GGTLC1: variants seen among roughly 807,000 people sequenced by gnomAD.
GGTLC1 encodes the protein gamma-glutamyltransferase light chain 1.
A neutral mutation model predicts 19.5 loss-of-function variants in GGTLC1; 14 were observed. The observed-to-expected ratio is 0.72, with a 90% confidence interval of 0.47 to 1.12. The LOEUF is 1.12. GGTLC1 is among the 50% of genes most tolerant of loss of function. The probability of loss-of-function intolerance (pLI) is 0.00; values close to 1 mark genes in which losing one functional copy is unlikely to be tolerated. For missense variants in GGTLC1, 304 were observed against 309.2 expected (o/e 0.98, Z 0.13); for synonymous variants, 110 against 124.2 (o/e 0.89, Z 0.76).
rs754624667 is a variant in GGTLC1 at position 23,985,900 on chromosome 20, C to A, written c.379G>T (p.Ala127Ser). The A allele has an allele frequency of 6.2e-7, 1 of 1,612,036 alleles. No individual in the cohort carries two copies. Among genetic ancestry groups the A allele is most frequent in the South Asian group, 1.1e-5 (1 of 90,984 alleles). ...QDGQVRMVVG[A>S]AGGTQITMAT... ...ATGGTGATCTGCGTGCCCCCGGCAG[C>A]TCCCACCACCATCCGGACCTGGCCG... Residue 127 changes from alanine (A) to serine (S), a missense_variant, in exon 4 of 6, where the codon GCT becomes TCT. Transcript: ENST00000335694.
At chr20:23,986,294 A>C in intron 2 of GGTLC1, 91 bp from the exon 3 acceptor site, 1 of 1,603,288 alleles carries the variant, frequency 6.2e-7, no homozygotes, top group Non-Finnish European at 8.5e-7. Flanking sequence ...ACTCACTGAG[A>C]GGCTCAGGAT....
In GGTLC1 at chr20:23,986,178, C is replaced by A. The variant is rs1485512209; in HGVS notation, c.202G>T (p.Val68Phe). 6.2e-7 allele frequency: 1 copy of A among 1,612,672 alleles called. No homozygotes were observed. Among genetic ancestry groups the A allele is most frequent in the Admixed American group, 1.7e-5 (1 of 59,996 alleles). Residue 68 changes from valine to phenylalanine, a missense_variant, in exon 3 of 6, where the codon GTC becomes TTC. By Grantham distance (50) the Val-to-Phe change is conservative (BLOSUM62 -1). Coordinates refer to ENST00000335694, the MANE Select transcript of GGTLC1 (RefSeq NM_178311.3). ...LYFGSKVRSP[V>F]SGILLNNEMD... ...TCATTATTGAGCAGGATCCCGCTGA[C>A]TGGGGAGCGCACCTTGGAGCCAAAG... is the stretch of plus-strand genomic sequence containing the variant.
rs750264824 is a variant in GGTLC1, at chr20:23,985,951, A to G, written c.328T>C (p.Cys110Arg). 1.9e-6 allele frequency: 3 copies of G among 1,611,976 alleles called. No homozygotes were observed. The South Asian group carries it at 3.3e-5, about 18-fold the overall frequency. ...TCCTGGCCCACCATGATCGTCGGGCACATGGACGAGAGCGGCTGCTTCCCT... is the reference window on the plus strand; with the variant it reads ...TCCTGGCCCACCATGATCGTCGGGCGCATGGACGAGAGCGGCTGCTTCCCT... ...QPGKQPLSSMCPTIMVGQDGQ... is the reference protein window; with the variant it reads ...QPGKQPLSSMRPTIMVGQDGQ... Residue 110 changes from cysteine (C) to arginine (R), a missense_variant, in exon 4 of 6, where the codon TGC becomes CGC. Physicochemically the swap from Cys to Arg is radical, Grantham distance 180 (BLOSUM62 -3). Coordinates refer to ENST00000335694, the MANE Select transcript of GGTLC1 (RefSeq NM_178311.3).
intron 1 of GGTLC1, among the ~76,000 whole-genome samples, chr20:23,987,402 A>C (rs1473213059): frequency 1.3e-5 from 2 of 152,122 alleles, no homozygotes; most frequent in Non-Finnish European, 1.5e-5. Context: ...GCAAGAGATG[A>C]TGGCCTGGGT....
intron 1 of GGTLC1, among the ~76,000 whole-genome samples, chr20:23,988,391 T>C (rs1201779588): frequency 6.6e-6 from 1 of 151,886 alleles, no homozygotes; most frequent in Non-Finnish European, 1.5e-5. Context: ...TTTGCACTTG[T>C]TGCCCAGGCT....
In GGTLC1 at chr20:23,986,532, G is replaced by A. The variant is rs1987931292; in HGVS notation, c.80C>T (p.Pro27Leu). The change falls in exon 2 of 6, where the codon CCC becomes CTC. Residue 27 changes from proline (P) to leucine (L), a missense_variant. Physicochemically the swap from Pro to Leu is moderately conservative, Grantham distance 98. Transcript: ENST00000335694. ...CCCGTCATCCGGCATGTAGAACTCG[G>A]GCTTGTAGTAGGAGATCGGGTGAGT... ...DTTHPISYYK[P>L]EFYMPDDGGT... is the part of the protein sequence containing the mutation. 6.2e-7 allele frequency: 1 copy of A among 1,611,828 alleles called. No individual in the cohort carries two copies. The highest frequency in any genetic ancestry group is 8.5e-7 in the Non-Finnish European group (1 of 1,179,856).
At chr20:23,987,787 G>A (rs1377021655) in intron 1 of GGTLC1, among the ~76,000 whole-genome samples, 1 of 151,098 alleles carries the variant, frequency 6.6e-6, no homozygotes, top group African/African-American at 2.4e-5. Flanking sequence ...CAGCACTTTG[G>A]GAGGCCGAGG....
At position 23,988,493 on chromosome 20, in the gene GGTLC1, T is replaced by C. The variant is rs189893036; in HGVS notation, c.-35+116A>G. ...TGATCCACGGGCAGATCTGCCGCCA[T>C]TGTGGGCACCTGTTCCTCCCGCGAC... On this transcript the variant is annotated intron_variant, in intron 1 of 5. Coordinates refer to ENST00000335694, the MANE Select transcript of GGTLC1 (RefSeq NM_178311.3). 6.4e-3 allele frequency: 2,191 copies of C among 343,794 alleles called. 49 individuals carry two copies. Among genetic ancestry groups the C allele is most frequent in the African/African-American group, 0.045 (2,070 of 45,750 alleles). The allele number at this position is 343,794 out of a possible 1,614,324, so 21.3% of individuals were successfully genotyped here. A position where few individuals can be genotyped will look rare whatever the true frequency, so the allele number is the denominator to read the frequency against.
chr20:23,985,206 C>T lies in GGTLC1; in HGVS notation c.*10G>A. The T allele has an allele frequency of 6.2e-7, 1 of 1,612,038 alleles. No individual in the cohort carries two copies. Among genetic ancestry groups the T allele is most frequent in the Non-Finnish European group, 8.5e-7 (1 of 1,179,856 alleles). On this transcript the variant is annotated 3_prime_UTR_variant, in exon 6 of 6. Coordinates refer to ENST00000335694, the MANE Select transcript of GGTLC1 (RefSeq NM_178311.3). ...CTGGATTGCTTGTCAGCCTTGTCCG[C>T]CTGGAGCAATCAGTAGCCAGCAGGT... is the stretch of plus-strand genomic sequence containing the variant.
Position 23,985,297 on chromosome 20 carries a change from C to T in GGTLC1, c.597G>A (p.Val199=), listed in dbSNP as rs372846549. The part of the protein sequence containing the change: ...HTQITSTFIA[V]VQAIVRMAGG... Reference sequence around the variant, plus strand: ...CAGCCATGCGGACGATGGCTTGCACCACAGCAATGAAGGTGGACGTGATCT... The same window carrying T: ...CAGCCATGCGGACGATGGCTTGCACTACAGCAATGAAGGTGGACGTGATCT... The change falls in exon 6 of 6, where the codon GTG becomes GTA. Residue 199 remains valine (V), a synonymous_variant. Coordinates refer to ENST00000335694, the MANE Select transcript of GGTLC1 (RefSeq NM_178311.3). The T allele has an allele frequency of 7.9e-5, 128 of 1,611,916 alleles. No individual in the cohort carries two copies. The highest frequency in any genetic ancestry group is 2.2e-4 in the Middle Eastern group (1 of 4,452).
rs111546926 is a variant in GGTLC1, at chr20:23,985,679, T to C, written c.519A>G (p.Arg173=). 0.018 allele frequency: 29,204 copies of C among 1,611,936 alleles called. 1,903 individuals carry two copies. In the African/African-American group the frequency reaches 0.21, roughly 12 times the overall value. ...ACCCCCAGCCCACCTGGTCAATGTT[T>C]CTCTCCACTGTCGTGACGTTGGGCA... is the stretch of plus-strand genomic sequence containing the variant. ...QLLPNVTTVE[R]NIDQEVTAAL... The change falls in exon 5 of 6, where the codon AGA becomes AGG. Residue 173 remains arginine (R), a synonymous_variant. Coordinates refer to ENST00000335694, the MANE Select transcript of GGTLC1 (RefSeq NM_178311.3).
At position 23,985,356 on chromosome 20, in the gene GGTLC1, T is replaced by G; in HGVS notation, c.538A>C (p.Thr180Pro). Residue 180 changes from threonine to proline, a missense_variant, in exon 6 of 6, where the codon ACT becomes CCT. Physicochemically the swap from Thr to Pro is conservative, Grantham distance 38. Transcript: ENST00000335694. ...TVERNIDQEV[T>P]AALETRHHHT... ...TGGTGCCGGGTCTCCAGGGCTGCAG[T>G]CACTTCCTGGGGGTGGGAGGAGAGG... is the stretch of plus-strand genomic sequence containing the variant. The G allele has an allele frequency of 6.2e-7, 1 of 1,611,756 alleles. No homozygotes were observed. Among genetic ancestry groups the G allele is most frequent in the Middle Eastern group, 2.3e-4 (1 of 4,434 alleles).
chr20:23,988,194 G>T (rs1167808728), intron 1 of GGTLC1, among the ~76,000 whole-genome samples: 1 of 147,798 alleles, frequency 6.8e-6, no homozygotes, highest in Non-Finnish European at 1.5e-5. Flanking sequence ...GACTACAGGC[G>T]CATGCCACCA....
At chr20:23,986,401 G>T (rs778784113) in intron 2 of GGTLC1, 35 bp downstream of exon 2, 4 of 1,608,754 alleles carry the variant, frequency 2.5e-6, no homozygotes, top group Non-Finnish European at 3.4e-6. Context: ...CCCTCCCCTG[G>T]CCCTTTCCCA....
At chr20:23,986,810 G>T (rs568182847) in intron 1 of GGTLC1, 165 bp from the exon 2 acceptor site, 9 of 1,439,306 alleles carry the variant, frequency 6.3e-6, no homozygotes, top group South Asian at 1.5e-5. Context: ...TGTCTCTGTC[G>T]CATTCCAGCA....
intron 2 of GGTLC1, 37 bp from the exon 3 acceptor site, chr20:23,986,240 C>T: frequency 6.3e-7 from 1 of 1,593,474 alleles, no homozygotes; most frequent in Non-Finnish European, 8.5e-7. Flanking sequence ...CCCGACCTTG[C>T]CTGGCCCAGC....
At chr20:23,986,411 A>C in intron 2 of GGTLC1, 25 bp downstream of exon 2, 1 of 1,609,948 alleles carries the variant, frequency 6.2e-7, no homozygotes, top group South Asian at 1.1e-5. Context: ...GCCCTTTCCC[A>C]CCCAGGCGGC....
Position 23,985,723 on chromosome 20 carries a change from G to A in GGTLC1, c.475C>T (p.Arg159Trp), listed in dbSNP as rs147376038. The A allele has an allele frequency of 5.1e-5, 83 of 1,611,912 alleles. No homozygotes were observed. The highest frequency in any genetic ancestry group is 2.3e-4 in the African/African-American group (17 of 74,854). ...YDVKWAVEEP[R>W]LHNQLLPNVT... ...TTGGGCAGAAGCTGGTTGTGCAGCC[G>A]GGGCTCCTCCACGGCCCACTTCACG... is the stretch of plus-strand genomic sequence containing the variant. The change falls in exon 5 of 6, where the codon CGG (arginine) becomes TGG (tryptophan). Residue 159 changes from arginine (R) to tryptophan (W), a missense_variant. Transcript: ENST00000335694.
At chr20:23,985,528 C>T (rs745319563) in intron 5 of GGTLC1, 139 bp downstream of exon 5, 3 of 1,588,234 alleles carry the variant, frequency 1.9e-6, no homozygotes, top group African/African-American at 1.3e-5. Flanking sequence ...GTTTGGCCCT[C>T]ATGGCACAGG....
Sources: allele counts gnomAD v4.1 joint callset (sites outside exome capture counted in the v4.1 genomes callset), GRCh38; gene constraint gnomAD v4.1.1; transcripts MANE v1.5; gene names NCBI Gene and HGNC (gene_info 2026-07-23, HGNC 2026-07-21).